Variants in ZBTB20 observed in about 807,000 individuals in gnomAD.
The protein encoded by ZBTB20 is zinc finger and BTB domain-containing protein 20.
ZBTB20 carries 9 observed loss-of-function variants against 56.9 expected under a neutral mutation model. The observed-to-expected ratio is 0.16, with a 90% CI of 0.10 to 0.28. The LOEUF (loss-of-function observed/expected upper bound fraction) is 0.28. Among genes scored for constraint, ZBTB20 ranks in the 10% least tolerant of loss-of-function variants. The probability of loss-of-function intolerance (pLI) is 1.00; values close to 1 mark genes in which losing one functional copy is unlikely to be tolerated. For missense variants in ZBTB20, 655 were observed against 1,003.0 expected (o/e 0.65, Z 4.69); for synonymous variants, 417 against 420.7 (o/e 0.99, Z 0.11).
chr3:114,790,600 T>TC (rs922448939), intron 5 of ZBTB20, among the ~76,000 whole-genome samples: 2 of 151,564 alleles, frequency 1.3e-5, no homozygotes, highest in Non-Finnish European at 2.9e-5. Flanking sequence ...CTTTTTTTTT[T>TC]TTTTTTTACA....
At chr3:114,977,246 A>T (rs2078140024) in intron 2 of ZBTB20, among the ~76,000 whole-genome samples, 1 of 152,208 alleles carries the variant, frequency 6.6e-6, no homozygotes, top group African/African-American at 2.4e-5. Flanking sequence ...AAGCCTTGCT[A>T]TGTAACAAAT....
At chr3:114,922,075 T>G (rs2075981106) in intron 3 of ZBTB20, among the ~76,000 whole-genome samples, 2 of 152,184 alleles carry the variant, frequency 1.3e-5, no homozygotes, top group East Asian at 3.9e-4. Context: ...ATGTGATACA[T>G]CACATTAACA....
intron 7 of ZBTB20, among the ~76,000 whole-genome samples, chr3:114,475,046 T>A (rs2040586545): frequency 6.6e-6 from 1 of 152,230 alleles, no homozygotes; most frequent in Admixed American, 6.5e-5. Context: ...CTTGCCCTAA[T>A]AATCAAGTCC....
At chr3:114,478,213 G>T (rs999815111) in intron 7 of ZBTB20, among the ~76,000 whole-genome samples, 2 of 152,080 alleles carry the variant, frequency 1.3e-5, no homozygotes, top group Non-Finnish European at 2.9e-5. Flanking sequence ...TGATCCGCCT[G>T]CCTCGGCCTC....
At chr3:114,989,065 G>T (rs928260474) in intron 2 of ZBTB20, among the ~76,000 whole-genome samples, 1 of 152,122 alleles carries the variant, frequency 6.6e-6, no homozygotes, top group African/African-American at 2.4e-5. Flanking sequence ...TGTTCACTCT[G>T]ATGGTAGTTT....
chr3:114,935,345 G>C (rs939962852), intron 3 of ZBTB20, among the ~76,000 whole-genome samples: 1 of 152,136 alleles, frequency 6.6e-6, no homozygotes, highest in Non-Finnish European at 1.5e-5. Flanking sequence ...AGACACACTT[G>C]AGGAAGCTCT....
intron 2 of ZBTB20, among the ~76,000 whole-genome samples, chr3:115,029,676 ACTGGTTAAATATTT>A (rs1439478430): frequency 6.6e-6 from 1 of 150,948 alleles, no homozygotes; most frequent in Non-Finnish European, 1.5e-5. Context: ...TGCTGAGACA[ACTGGTTAAATATTT>A]AGAACAGAGT....
chr3:115,050,528 T>C (rs569145847), intron 2 of ZBTB20, among the ~76,000 whole-genome samples: 20 of 152,140 alleles, frequency 1.3e-4, no homozygotes, highest in South Asian at 1.2e-3. Flanking sequence ...TATGTTTGTT[T>C]ATATAAAAAT....
chr3:114,380,634 ACTCTGTTGG>A, intron 9 of ZBTB20, 134 bp downstream of exon 9: 1 of 1,258,798 alleles, frequency 7.9e-7, no homozygotes, highest in Non-Finnish European at 1.1e-6. Flanking sequence ...CCACATTTGG[ACTCTGTTGG>A]CTGCATAAAA....
intron 3 of ZBTB20, among the ~76,000 whole-genome samples, chr3:114,946,736 G>A (rs1461804705): frequency 6.9e-6 from 1 of 145,546 alleles, no homozygotes; most frequent in African/African-American, 2.8e-5. Context: ...AACTCTTCTG[G>A]ACACTGGTCT....
rs563281229 is a variant in ZBTB20 at position 114,393,746 on chromosome 3, C to T, written c.-254-4641G>A. 2.4e-4 allele frequency among the ~76,000 whole-genome samples: 36 copies of T among 152,288 alleles called. No individual in the cohort carries two copies. The South Asian group carries it at 7.5e-3, about 32-fold the overall frequency. On this transcript the variant is annotated intron_variant, in intron 7 of 11. Transcript: ENST00000675478. ...GGGCTGCTGATGCCACAAATTCTCC[C>T]TAGAACCTGAAAATCCAGCTGTTGT...
At chr3:114,730,759 C>T (rs2065676450) in intron 5 of ZBTB20, among the ~76,000 whole-genome samples, 2 of 152,168 alleles carry the variant, frequency 1.3e-5, no homozygotes, top group African/African-American at 4.8e-5. Flanking sequence ...TGCTAGTCCA[C>T]CCACCTTGTG....
At chr3:114,597,308 T>C (rs371920922) in intron 6 of ZBTB20, among the ~76,000 whole-genome samples, 2 of 152,178 alleles carry the variant, frequency 1.3e-5, no homozygotes, top group African/African-American at 4.8e-5. Context: ...CAGGAAAATA[T>C]ACGAGTCAGT....
At chr3:115,124,640 G>C (rs2084274192) in intron 1 of ZBTB20, among the ~76,000 whole-genome samples, 1 of 152,222 alleles carries the variant, frequency 6.6e-6, no homozygotes, top group East Asian at 1.9e-4. Flanking sequence ...TATAGAGATA[G>C]TCCAATCAAC....
At chr3:114,964,472 TACTC>T (rs2077571257) in intron 3 of ZBTB20, among the ~76,000 whole-genome samples, 1 of 152,116 alleles carries the variant, frequency 6.6e-6, no homozygotes, top group South Asian at 2.1e-4. Context: ...TGGTAAATCA[TACTC>T]ATGCATTAAG....
intron 7 of ZBTB20, among the ~76,000 whole-genome samples, chr3:114,496,088 C>A (rs911426888): frequency 6.6e-6 from 1 of 151,976 alleles, no homozygotes; most frequent in Non-Finnish European, 1.5e-5. Context: ...GTGGTTTCCA[C>A]AGAGATGTGA....
chr3:114,753,926 AT>A (rs1257835888), intron 5 of ZBTB20, among the ~76,000 whole-genome samples: 1 of 152,146 alleles, frequency 6.6e-6, no homozygotes, highest in East Asian at 1.9e-4. Context: ...TATTTCTTAT[AT>A]TTTTCTGGAA....
chr3:114,705,197 T>TATATATTAGTATTATA (rs2063642353), intron 5 of ZBTB20, among the ~76,000 whole-genome samples: 1 of 152,062 alleles, frequency 6.6e-6, no homozygotes, highest in Non-Finnish European at 1.5e-5. Flanking sequence ...AACCCTTCCC[T>TATATATTAGTATTATA]CACCACCACA....
chr3:114,355,910 T>C (rs984367174), intron 10 of ZBTB20: 1 of 150,972 alleles, frequency 6.6e-6, no homozygotes, highest in African/African-American at 2.4e-5. Flanking sequence ...ACATAGATTA[T>C]GTGATCATGT....
Sources: gnomAD v4.1 joint callset for allele counts (sites outside exome capture counted in the v4.1 genomes callset) on GRCh38, gnomAD v4.1.1 for gene constraint, MANE v1.5 for transcripts, NCBI Gene and HGNC (gene_info 2026-07-23, HGNC 2026-07-21) for gene names.